The following ENTREP2 variants were observed in gnomAD, a reference collection of about 807,000 sequenced individuals.
ENTREP2 encodes endosomal transmembrane epsin interactor 2.
chr15:29,365,812 C>T, the ENTREP2 span, among the ~76,000 whole-genome samples: 4 of 151,864 alleles, frequency 2.6e-5, no homozygotes, highest in African/African-American at 7.3e-5. Context: ...TACTTGGTAT[C>T]TTCCGTACCC....
the ENTREP2 span, among the ~76,000 whole-genome samples, chr15:29,496,350 T>A: frequency 6.6e-6 from 1 of 151,716 alleles, no homozygotes; most frequent in Non-Finnish European, 1.5e-5. Context: ...CAGAAACAAT[T>A]TCCTCCTTCC....
chr15:29,207,492 C>T, the ENTREP2 span, among the ~76,000 whole-genome samples: 1 of 151,326 alleles, frequency 6.6e-6, no homozygotes, highest in Admixed American at 6.6e-5. Flanking sequence ...TTATTTGTCC[C>T]CGCCCATGTT....
chr15:29,138,579 GCA>G, the ENTREP2 span, among the ~76,000 whole-genome samples: 4 of 145,928 alleles, frequency 2.7e-5, no homozygotes, highest in South Asian at 2.2e-4. Context: ...ATGTGCATGT[GCA>G]TGTGTCTGTG....
At chr15:29,309,859 A>G in the ENTREP2 span, among the ~76,000 whole-genome samples, 1 of 151,946 alleles carries the variant, frequency 6.6e-6, no homozygotes, top group African/African-American at 2.4e-5. Flanking sequence ...GAACAATAAC[A>G]TATGTCATGC....
the ENTREP2 span, among the ~76,000 whole-genome samples, chr15:29,197,566 G>C: frequency 1.3e-5 from 2 of 152,150 alleles, no homozygotes; most frequent in African/African-American, 4.8e-5. Context: ...AGGAGTTCAA[G>C]ACCAGTCTGA....
the ENTREP2 span, among the ~76,000 whole-genome samples, chr15:29,660,431 C>T: frequency 6.6e-6 from 1 of 152,152 alleles, no homozygotes; most frequent in Non-Finnish European, 1.5e-5. Flanking sequence ...ATGCCAGTGA[C>T]TTGATCTTTG....
At chr15:29,377,948 T>C in the ENTREP2 span, among the ~76,000 whole-genome samples, 3 of 151,420 alleles carry the variant, frequency 2.0e-5, no homozygotes, top group Non-Finnish European at 2.9e-5. Context: ...CCCCAGTTTC[T>C]AGAATGGGTA....
chr15:29,527,999 T>G, the ENTREP2 span, among the ~76,000 whole-genome samples: 5 of 152,088 alleles, frequency 3.3e-5, no homozygotes, highest in Non-Finnish European at 7.4e-5. Context: ...ACATCCGCCC[T>G]GCAGACACCG....
the ENTREP2 span, among the ~76,000 whole-genome samples, chr15:29,365,611 G>T: frequency 6.6e-6 from 1 of 151,928 alleles, no homozygotes; most frequent in South Asian, 2.1e-4. Flanking sequence ...TAAAGAACAA[G>T]GTTGCGCTTT....
chr15:29,557,669 C>T, the ENTREP2 span, among the ~76,000 whole-genome samples: 1 of 152,146 alleles, frequency 6.6e-6, no homozygotes, highest in Non-Finnish European at 1.5e-5. Flanking sequence ...TAGCACTCAT[C>T]TGGGGCCAAA....
At chr15:29,622,124 T>C in the ENTREP2 span, among the ~76,000 whole-genome samples, 3 of 151,998 alleles carry the variant, frequency 2.0e-5, no homozygotes, top group African/African-American at 7.3e-5. Context: ...TGGAGATAGA[T>C]GATGGGGATG....
the ENTREP2 span, among the ~76,000 whole-genome samples, chr15:29,292,424 A>C: frequency 4.0e-5 from 6 of 149,766 alleles, no homozygotes; most frequent in East Asian, 5.9e-4. Flanking sequence ...CTTGTTGCCC[A>C]GGATGGAGTA....
At chr15:29,336,363 G>A in the ENTREP2 span, among the ~76,000 whole-genome samples, 5 of 151,800 alleles carry the variant, frequency 3.3e-5, no homozygotes, top group African/African-American at 1.2e-4. Context: ...CCAGGCTGGA[G>A]TGCAGTGGCG....
At chr15:29,444,920 G>A in the ENTREP2 span, among the ~76,000 whole-genome samples, 1 of 152,222 alleles carries the variant, frequency 6.6e-6, no homozygotes, top group African/African-American at 2.4e-5. Context: ...GGGAGGAAGT[G>A]CAGGTACCAA....
At chr15:29,621,711 G>A in the ENTREP2 span, among the ~76,000 whole-genome samples, 1 of 151,646 alleles carries the variant, frequency 6.6e-6, no homozygotes. Context: ...CAGGATGGCA[G>A]TTCCTCAAAA....
At chr15:29,558,034 T>C in the ENTREP2 span, among the ~76,000 whole-genome samples, 8 of 152,286 alleles carry the variant, frequency 5.3e-5, no homozygotes, top group African/African-American at 1.7e-4. Context: ...CAAATGAGGC[T>C]CAGAGAGGTT....
At chr15:29,250,125 AT>A in the ENTREP2 span, among the ~76,000 whole-genome samples, 1 of 152,220 alleles carries the variant, frequency 6.6e-6, no homozygotes, top group South Asian at 2.1e-4. Context: ...AACCATATCA[AT>A]AGGAAAGGGA....
the ENTREP2 span, chr15:29,136,971 A>T: frequency 3.8e-6 from 5 of 1,328,022 alleles, no homozygotes; most frequent in African/African-American, 7.8e-5. Flanking sequence ...TGCAACTCCC[A>T]CCACCCGGAC....
At chr15:29,561,479 A>T in the ENTREP2 span, among the ~76,000 whole-genome samples, 1 of 152,052 alleles carries the variant, frequency 6.6e-6, no homozygotes, top group Non-Finnish European at 1.5e-5. Flanking sequence ...CGAGGTCAGG[A>T]GATCGAGACC....
Sources: gnomAD v4.1 joint callset for allele counts (sites outside exome capture counted in the v4.1 genomes callset) on GRCh38, gnomAD v4.1.1 for gene constraint, MANE v1.5 for transcripts, NCBI Gene and HGNC (gene_info 2026-07-23, HGNC 2026-07-21) for gene names.